The following FARP1 variants were observed in gnomAD, a reference collection of about 807,000 sequenced individuals.
The protein encoded by FARP1 is FERM, ARHGEF and pleckstrin domain-containing protein 1.
Under a neutral mutation model 128.8 loss-of-function variants are expected in FARP1, and 52 were observed. The ratio of observed to expected loss-of-function variants is 0.40; its 90% CI spans 0.32 to 0.51. The LOEUF is 0.51. Ranked by LOEUF, FARP1 falls within the 20% of genes least tolerant of loss-of-function variation. The probability of loss-of-function intolerance (pLI) is 0.45; values close to 1 mark genes in which losing one functional copy is unlikely to be tolerated. For synonymous variants in FARP1, 580 were observed against 551.8 expected (o/e 1.05, Z -0.72); for missense variants, 1,333 against 1,367.9 (o/e 0.97, Z 0.40).
At chr13:98,396,775 A>G in intron 13 of FARP1, 2 of 313,026 alleles carry the variant, frequency 6.4e-6, no homozygotes, top group Non-Finnish European at 1.2e-5. Context: ...GAAGGCTAGG[A>G]AGAAACACTT....
intron 2 of FARP1, among the ~76,000 whole-genome samples, chr13:98,235,422 G>T (rs1307209152): frequency 6.6e-6 from 1 of 152,152 alleles, no homozygotes. Context: ...CATTATGCCT[G>T]ATGTTTCAAA....
chr13:98,434,430 A>T (rs1228237434), intron 18 of FARP1: 1 of 152,358 alleles, frequency 6.6e-6, no homozygotes, highest in South Asian at 2.1e-4. Flanking sequence ...TGGGGGAAAA[A>T]ACAAGAAAAC....
At chr13:98,253,124 C>G (rs1292327155) in intron 2 of FARP1, among the ~76,000 whole-genome samples, 1 of 152,184 alleles carries the variant, frequency 6.6e-6, no homozygotes, top group African/African-American at 2.4e-5. Flanking sequence ...AAGCAATGTT[C>G]AAGCCAAGTT....
intron 2 of FARP1, among the ~76,000 whole-genome samples, chr13:98,330,619 GT>G (rs947142385): frequency 1.6e-4 from 25 of 152,202 alleles, no homozygotes; most frequent in Non-Finnish European, 2.8e-4. Context: ...GCTGGGCGTG[GT>G]GGCAGGCGCC....
intron 1 of FARP1, among the ~76,000 whole-genome samples, chr13:98,156,646 G>T (rs1310795926): frequency 1.3e-5 from 2 of 152,002 alleles, no homozygotes; most frequent in Non-Finnish European, 2.9e-5. Context: ...GGCATCAAGC[G>T]ATCCTCCTGC....
At chr13:98,226,395 C>A (rs561423554) in intron 2 of FARP1, among the ~76,000 whole-genome samples, 11 of 152,216 alleles carry the variant, frequency 7.2e-5, no homozygotes, top group Admixed American at 2.0e-4. Context: ...GCCCTACTGA[C>A]TTCATTGCAA....
At chr13:98,441,546 T>G (rs1892525146) in intron 24 of FARP1, among the ~76,000 whole-genome samples, 1 of 152,262 alleles carries the variant, frequency 6.6e-6, no homozygotes, top group Admixed American at 6.5e-5. Context: ...TGGGCCTTTC[T>G]GAGCAGCGTT....
intron 2 of FARP1, among the ~76,000 whole-genome samples, chr13:98,266,520 C>T (rs1884123153): frequency 6.6e-6 from 1 of 152,186 alleles, no homozygotes; most frequent in Non-Finnish European, 1.5e-5. Context: ...TGAACATTAA[C>T]CCAGAACTAG....
At chr13:98,424,475 G>A in intron 16 of FARP1, 97 bp from the exon 17 acceptor site, 1 of 783,942 alleles carries the variant, frequency 1.3e-6, no homozygotes, top group South Asian at 1.4e-5. Context: ...CCGGGGAGGG[G>A]TGATTGGAAA....
intron 2 of FARP1, among the ~76,000 whole-genome samples, chr13:98,317,927 CTTCCT>C (rs1006656048): frequency 1.3e-5 from 2 of 149,988 alleles, no homozygotes; most frequent in Non-Finnish European, 3.0e-5. Flanking sequence ...TTCCTCTCTC[CTTCCT>C]TTCCTTCTTT....
chr13:98,173,970 G>A (rs1877825239), intron 1 of FARP1, among the ~76,000 whole-genome samples: 2 of 152,200 alleles, frequency 1.3e-5, no homozygotes, highest in South Asian at 4.1e-4. Context: ...CTTAGAGCGT[G>A]GTGATGGGAA....
At chr13:98,239,209 G>A (rs1187795076) in intron 2 of FARP1, among the ~76,000 whole-genome samples, 3 of 152,166 alleles carry the variant, frequency 2.0e-5, no homozygotes, top group Non-Finnish European at 2.9e-5. Flanking sequence ...GAGCCCCAAG[G>A]GAACAAGTGC....
At chr13:98,192,012 C>G (rs1441255085) in intron 1 of FARP1, among the ~76,000 whole-genome samples, 2 of 152,104 alleles carry the variant, frequency 1.3e-5, no homozygotes, top group African/African-American at 4.8e-5. Context: ...GAAACCCCAG[C>G]AAGTCAAATT....
intron 1 of FARP1, among the ~76,000 whole-genome samples, chr13:98,165,716 T>G (rs1213406185): frequency 0.013 from 703 of 55,630 alleles, 7 homozygotes; most frequent in Non-Finnish European, 0.021. Context: ...AGGGGTTTTT[T>G]TTTTTTTTTT....
chr13:98,281,794 G>A (rs1884948351), intron 2 of FARP1, among the ~76,000 whole-genome samples: 1 of 152,160 alleles, frequency 6.6e-6, no homozygotes, highest in Admixed American at 6.5e-5. Context: ...TGGTACCCTT[G>A]ATTCTGGTTA....
At chr13:98,198,393 G>T (rs1879712846) in intron 1 of FARP1, among the ~76,000 whole-genome samples, 1 of 152,202 alleles carries the variant, frequency 6.6e-6, no homozygotes, top group Non-Finnish European at 1.5e-5. Flanking sequence ...TATCCATACA[G>T]ATGGGATATT....
intron 1 of FARP1, among the ~76,000 whole-genome samples, chr13:98,210,169 G>T (rs182526221): frequency 6.6e-6 from 1 of 152,016 alleles, no homozygotes; most frequent in Non-Finnish European, 1.5e-5. Context: ...TGAGTGAGAC[G>T]CAGCTCACAG....
At chr13:98,292,943 C>T (rs753814954) in intron 2 of FARP1, among the ~76,000 whole-genome samples, 4 of 150,690 alleles carry the variant, frequency 2.7e-5, no homozygotes, top group Non-Finnish European at 4.4e-5. Flanking sequence ...AAGACACTTA[C>T]ATAGAAAATA....
At chr13:98,165,491 C>G (rs1566685395) in intron 1 of FARP1, among the ~76,000 whole-genome samples, 4 of 151,692 alleles carry the variant, frequency 2.6e-5, no homozygotes, top group African/African-American at 7.3e-5. Context: ...GACAGTTGAC[C>G]CTTTGTCAGT....
Sources: gnomAD v4.1 joint callset for allele counts (sites outside exome capture counted in the v4.1 genomes callset) on GRCh38, gnomAD v4.1.1 for gene constraint, MANE v1.5 for transcripts, NCBI Gene and HGNC (gene_info 2026-07-23, HGNC 2026-07-21) for gene names.